The following KANK1 variants were observed in gnomAD, a reference collection of about 807,000 sequenced individuals.
KANK1 encodes the protein KN motif and ankyrin repeat domains 1.
In KANK1, 109 loss-of-function variants were observed where a neutral mutation model predicts 106.2. That is an observed-to-expected ratio of 1.03 (90% confidence interval 0.88 to 1.20). KANK1 has a LOEUF of 1.20. KANK1 is among the 50% of genes most tolerant of loss of function. The pLI is 0.00. For synonymous variants in KANK1, 873 were observed against 652.2 expected (o/e 1.34, Z -5.16); for missense variants, 2,399 against 1,710.7 (o/e 1.40, Z -7.10).
At chr9:707,511 T>G (rs1312099670) in intron 2 of KANK1, among the ~76,000 whole-genome samples, 5 of 143,294 alleles carry the variant, frequency 3.5e-5, no homozygotes, top group African/African-American at 1.3e-4. Context: ...CTGCAGCTTC[T>G]CTCCTGTTAA....
intron 1 of KANK1, among the ~76,000 whole-genome samples, chr9:596,237 G>A (rs1826173568): frequency 6.6e-6 from 1 of 151,716 alleles, no homozygotes; most frequent in African/African-American, 2.4e-5. Flanking sequence ...TCAGATTTTT[G>A]GATTAAGGAC....
chr9:664,318 C>T (rs941344423), intron 1 of KANK1, among the ~76,000 whole-genome samples: 2 of 152,088 alleles, frequency 1.3e-5, no homozygotes, highest in African/African-American at 2.4e-5. Context: ...TGAGAACATG[C>T]GACATTGTCT....
At chr9:533,863 C>T (rs997760952) in intron 1 of KANK1, among the ~76,000 whole-genome samples, 1 of 152,182 alleles carries the variant, frequency 6.6e-6, no homozygotes, top group African/African-American at 2.4e-5. Context: ...TAAGCCATGC[C>T]TCCCCTTTTC....
At position 595,542 on chromosome 9, in the gene KANK1, T is replaced by C. The variant is rs551714522; in HGVS notation, c.-83-81348T>C. Among the ~76,000 whole-genome samples, 124 of 151,978 alleles carry C rather than the reference T, an allele frequency of 8.2e-4. 3 individuals are homozygous for C. The highest frequency in any genetic ancestry group is 2.9e-3 in the African/African-American group (120 of 41,264). Reference sequence around the variant, plus strand: ...TTTTCTTTTTTCTTTTTTCTTTTGTTTGAGACAGTGTCTCACTCTGTTGCC... The same window carrying C: ...TTTTCTTTTTTCTTTTTTCTTTTGTCTGAGACAGTGTCTCACTCTGTTGCC... On this transcript the variant is annotated intron_variant, in intron 1 of 11. Transcript: ENST00000382297.
At chr9:738,124 G>A (rs1589318895) in intron 7 of KANK1, among the ~76,000 whole-genome samples, 161 bp from the exon 8 acceptor site, 1 of 152,182 alleles carries the variant, frequency 6.6e-6, no homozygotes, top group African/African-American at 2.4e-5. Flanking sequence ...AAATGTCCCA[G>A]TTTGGTGTTT....
chr9:623,211 T>C (rs1180287231), intron 1 of KANK1, among the ~76,000 whole-genome samples: 1 of 150,966 alleles, frequency 6.6e-6, no homozygotes, highest in Non-Finnish European at 1.5e-5. Context: ...AACTCAATAC[T>C]AAAATAAAAA....
chr9:652,539 T>A (rs1185033841), intron 1 of KANK1, among the ~76,000 whole-genome samples: 2 of 152,018 alleles, frequency 1.3e-5, no homozygotes, highest in Non-Finnish European at 2.9e-5. Context: ...TAAAATAAAG[T>A]GTTTGCAGTG....
intron 1 of KANK1, among the ~76,000 whole-genome samples, chr9:600,174 G>A (rs1369206224): frequency 2.6e-5 from 4 of 151,412 alleles, no homozygotes; most frequent in Admixed American, 1.3e-4. Flanking sequence ...AAACAAAAGC[G>A]CTATATCTGT....
intron 1 of KANK1, among the ~76,000 whole-genome samples, chr9:529,612 T>C (rs2059969692): frequency 6.6e-6 from 1 of 152,224 alleles, no homozygotes; most frequent in Non-Finnish European, 1.5e-5. Flanking sequence ...GAACCATGTG[T>C]CTTCAGACTG....
chr9:554,253 G>T (rs75941793), intron 1 of KANK1, among the ~76,000 whole-genome samples: 20 of 152,276 alleles, frequency 1.3e-4, no homozygotes, highest in African/African-American at 4.3e-4. Flanking sequence ...AGCACCTGGC[G>T]TAAGTTTCCA....
chr9:511,763 C>G (rs935859976), intron 1 of KANK1, among the ~76,000 whole-genome samples: 1 of 152,170 alleles, frequency 6.6e-6, no homozygotes, highest in African/African-American at 2.4e-5. Flanking sequence ...TGTCTGGTCC[C>G]AACTCAGCTA....
At chr9:681,756 G>A (rs779817567) in intron 2 of KANK1, among the ~76,000 whole-genome samples, 2 of 152,082 alleles carry the variant, frequency 1.3e-5, no homozygotes, top group Non-Finnish European at 1.5e-5. Context: ...TGATATTGGG[G>A]CCAGAGTTGT....
intron 1 of KANK1, among the ~76,000 whole-genome samples, chr9:575,994 G>T (rs999723718): frequency 5.3e-5 from 8 of 152,236 alleles, no homozygotes; most frequent in Admixed American, 2.6e-4. Flanking sequence ...CTGGACTCCA[G>T]CGTAGGCAAC....
chr9:521,064 A>G (rs560155086), intron 1 of KANK1, among the ~76,000 whole-genome samples: 2 of 151,962 alleles, frequency 1.3e-5, no homozygotes, highest in Non-Finnish European at 2.9e-5. Context: ...TTTTCTTTCA[A>G]AAATGAAACT....
intron 1 of KANK1, among the ~76,000 whole-genome samples, chr9:652,005 G>C (rs1300528949): frequency 6.6e-6 from 1 of 152,138 alleles, no homozygotes; most frequent in African/African-American, 2.4e-5. Flanking sequence ...ATGGAATCTA[G>C]TTTCATTAGC....
chr9:738,360 G>A lies in KANK1; in HGVS notation c.3409G>A (p.Gly1137Arg). Residue 1137 changes from glycine to arginine, a missense_variant, in exon 8 of 12, where the codon GGG (glycine) becomes AGG (arginine). Gly to Arg is a moderately radical substitution (Grantham distance 125). Coordinates refer to ENST00000382297, the MANE Select transcript of KANK1 (RefSeq NM_015158.5). ...GAAGTCAGCCATTCCAGCCATGGTG[G>A]GGGACTACATAGCTGCTTTTGAGGC... ...SQKSAIPAMV[G>R]DYIAAFEAIS... The A allele has an allele frequency of 1.2e-6, 2 of 1,614,106 alleles. No homozygotes were observed. Among genetic ancestry groups the A allele is most frequent in the Admixed American group, 1.7e-5 (1 of 60,006 alleles).
intron 1 of KANK1, among the ~76,000 whole-genome samples, chr9:635,260 G>A (rs1836806148): frequency 6.6e-6 from 1 of 151,930 alleles, no homozygotes; most frequent in Non-Finnish European, 1.5e-5. Flanking sequence ...TAGATTTTAG[G>A]TACCCAGCCC....
chr9:638,711 G>T (rs6477065), intron 1 of KANK1, among the ~76,000 whole-genome samples: 152,294 of 152,294 alleles, frequency 1, 76,147 homozygotes, highest in Non-Finnish European at 1. Flanking sequence ...TTAAATTTGC[G>T]ATCTGCCCTT....
intron 1 of KANK1, among the ~76,000 whole-genome samples, chr9:656,092 C>T (rs573327382): frequency 1.7e-4 from 26 of 152,312 alleles, no homozygotes; most frequent in Admixed American, 9.8e-4. Context: ...TGTCAGACCG[C>T]AGGCTCTGGG....
Sources: allele counts gnomAD v4.1 joint callset (sites outside exome capture counted in the v4.1 genomes callset), GRCh38; gene constraint gnomAD v4.1.1; transcripts MANE v1.5; gene names NCBI Gene and HGNC (gene_info 2026-07-23, HGNC 2026-07-21).